VAT1L: variants seen among roughly 807,000 people sequenced by gnomAD.
The protein encoded by VAT1L is putative NADPH-dependent quinone oxidoreductase VAT1L.
A neutral mutation model predicts 44.1 loss-of-function variants in VAT1L; 34 were observed. The observed-to-expected ratio is 0.77, with a 90% confidence interval of 0.59 to 1.03. The LOEUF (loss-of-function observed/expected upper bound fraction) is 1.03, where lower values mean the gene tolerates loss of function less well. Among genes scored for constraint, VAT1L ranks in the 50% least tolerant of loss-of-function variants. The pLI, the probability that VAT1L is intolerant of heterozygous loss-of-function variation, is 0.00. For missense variants in VAT1L, 615 were observed against 538.8 expected, an observed-to-expected ratio of 1.14 and a Z score of -1.40; for synonymous variants, 253 against 202.2, an observed-to-expected ratio of 1.25 and a Z score of -2.13.
At chr16:77,951,468 C>T (rs938575435) in intron 7 of VAT1L, among the ~76,000 whole-genome samples, 2 of 152,188 alleles carry the variant, frequency 1.3e-5, no homozygotes, top group African/African-American at 2.4e-5. Context: ...ATCGCTTGAA[C>T]CCAAGAAGTG....
intron 4 of VAT1L, among the ~76,000 whole-genome samples, chr16:77,866,748 C>G (rs1364297092): frequency 1.3e-5 from 2 of 152,108 alleles, no homozygotes; most frequent in Admixed American, 6.5e-5. Flanking sequence ...ATTTATGACA[C>G]AGACCTAACC....
chr16:77,887,222 G>A (rs1413459976), intron 7 of VAT1L, among the ~76,000 whole-genome samples: 1 of 152,212 alleles, frequency 6.6e-6, no homozygotes, highest in African/African-American at 2.4e-5. Flanking sequence ...GAGCCAAGGA[G>A]GGAATGGTAC....
At chr16:77,928,826 G>C (rs2017697378) in intron 7 of VAT1L, among the ~76,000 whole-genome samples, 1 of 151,708 alleles carries the variant, frequency 6.6e-6, no homozygotes, top group African/African-American at 2.4e-5. Context: ...TCGTTTGTTT[G>C]TTTGTTTTTG....
At chr16:77,872,290 G>A (rs550709776) in intron 4 of VAT1L, among the ~76,000 whole-genome samples, 1 of 152,242 alleles carries the variant, frequency 6.6e-6, no homozygotes, top group Admixed American at 6.5e-5. Context: ...CATTCTTAGG[G>A]TCCTTCTACA....
In VAT1L at chr16:77,946,279, C is replaced by CTTTTTTTTTTTTTTT. The variant is rs66461822; in HGVS notation, c.1078-25563_1078-25549dup. On this transcript the variant is annotated intron_variant, in intron 7 of 8. Transcript: ENST00000302536. ...GTTCTGGACATCTAGGTTACTTGTT[C>CTTTTTTTTTTTTTTT]TTTTTTTTTTTTTTTTTTTTTTGAG... 4.1e-3 allele frequency among the ~76,000 whole-genome samples: 292 copies of CTTTTTTTTTTTTTTT among 70,408 alleles called. 82 individuals carry two copies. Among genetic ancestry groups the CTTTTTTTTTTTTTTT allele is most frequent in the East Asian group, 0.015 (24 of 1,630 alleles). The allele number at this position is 70,408 out of a possible 152,430, so 46.2% of individuals were successfully genotyped here. A position where few individuals can be genotyped will look rare whatever the true frequency, so the allele number is the denominator to read the frequency against.
At chr16:77,943,539 A>G (rs1247962154) in intron 7 of VAT1L, among the ~76,000 whole-genome samples, 2 of 151,410 alleles carry the variant, frequency 1.3e-5, no homozygotes, top group Non-Finnish European at 2.9e-5. Flanking sequence ...AGCTGGGACT[A>G]CAGGTGCCCG....
intron 7 of VAT1L, among the ~76,000 whole-genome samples, chr16:77,904,240 G>T (rs6564481): frequency 3.4e-5 from 5 of 147,948 alleles, no homozygotes; most frequent in African/African-American, 7.5e-5. Flanking sequence ...TGGTTTGTCT[G>T]TTCTGAGGTT....
chr16:77,946,941 G>A lies in VAT1L; in HGVS notation c.1078-24909G>A, dbSNP rs1198943085. 2.6e-5 allele frequency among the ~76,000 whole-genome samples: 4 copies of A among 152,192 alleles called. No individual in the cohort carries two copies. In the East Asian group the frequency reaches 5.8e-4, roughly 22 times the overall value. On this transcript the variant is annotated intron_variant, in intron 7 of 8. Transcript: ENST00000302536. ...GAGCAGGAATGGAAAGTTGCTGGAAGGCAACACCTCCCTCAACCCCTTACT... is the reference window on the plus strand; with the variant it reads ...GAGCAGGAATGGAAAGTTGCTGGAAAGCAACACCTCCCTCAACCCCTTACT...
rs1035728784 is a variant in VAT1L, at chr16:77,971,575, T to G, written c.1078-275T>G. ...ATAATTCTGAGAACTCCAGAGAACC[T>G]TCCCCCACCCTTTTAAGGAATGTTC... On this transcript the variant is annotated intron_variant, in intron 7 of 8. Transcript: ENST00000302536. Among the ~76,000 whole-genome samples, 6 of 152,176 alleles carry G rather than the reference T, an allele frequency of 3.9e-5. No homozygotes were observed. The East Asian group carries it at 1.2e-3, about 29-fold the overall frequency.
intron 4 of VAT1L, among the ~76,000 whole-genome samples, chr16:77,867,267 G>A (rs918628756): frequency 1.3e-5 from 2 of 152,142 alleles, no homozygotes; most frequent in Admixed American, 1.3e-4. Context: ...TACGTGGACG[G>A]TGATGAGGGT....
At chr16:77,798,572 T>A (rs911039492) in intron 1 of VAT1L, among the ~76,000 whole-genome samples, 1 of 152,152 alleles carries the variant, frequency 6.6e-6, no homozygotes, top group African/African-American at 2.4e-5. Flanking sequence ...GTTTGATAGA[T>A]ATTAATGGTG....
At chr16:77,913,331 T>C (rs1007057600) in intron 7 of VAT1L, among the ~76,000 whole-genome samples, 6 of 151,916 alleles carry the variant, frequency 3.9e-5, no homozygotes, top group Middle Eastern at 3.4e-3. Context: ...TCTATACCCA[T>C]TGGAGTTGTC....
rs750276167 is a variant in VAT1L, at chr16:77,884,573, G to A, written c.883-35G>A. ...CCAATGTAGGCTTAACCCCGGTATT[G>A]AGTTCCTATAACCCAATACCACCTC... On this transcript the variant is annotated intron_variant, in intron 6 of 8. Coordinates refer to ENST00000302536, the MANE Select transcript of VAT1L (RefSeq NM_020927.3). The surrounding 1 kb of genome is among the most constrained non-coding windows in gnomAD (Gnocchi z 4.5). 1 of 1,597,446 alleles carries A rather than the reference G, an allele frequency of 6.3e-7. No individual in the cohort carries two copies. Among genetic ancestry groups the A allele is most frequent in the Non-Finnish European group, 8.5e-7 (1 of 1,171,818 alleles).
At chr16:77,912,270 T>G (rs934448999) in intron 7 of VAT1L, among the ~76,000 whole-genome samples, 2 of 152,306 alleles carry the variant, frequency 1.3e-5, no homozygotes, top group East Asian at 1.9e-4. Context: ...CAAGATACCA[T>G]CAAGGTAGGG....
At chr16:77,946,471 A>G (rs1244850010) in intron 7 of VAT1L, among the ~76,000 whole-genome samples, 1 of 151,296 alleles carries the variant, frequency 6.6e-6, no homozygotes. Flanking sequence ...TTAAGTAGAG[A>G]CAAGGTTTCA....
In VAT1L at chr16:77,866,727, G is replaced by GA. The variant is rs200816442; in HGVS notation, c.722+3846dup. On this transcript the variant is annotated intron_variant, in intron 4 of 8. Coordinates refer to ENST00000302536, the MANE Select transcript of VAT1L (RefSeq NM_020927.3). ...TGAGGCAGGTGTTGTAAAGGGAATAGAAAAAAAAATATTTATGACACAGAC... is the reference window on the plus strand; with the variant it reads ...TGAGGCAGGTGTTGTAAAGGGAATAGAAAAAAAAAATATTTATGACACAGAC... Among the ~76,000 whole-genome samples, 470 of 151,328 alleles carry GA rather than the reference G, an allele frequency of 3.1e-3. 1 individual carries two copies. Among genetic ancestry groups the GA allele is most frequent in the African/African-American group, 0.011 (434 of 41,274 alleles).
chr16:77,861,311 A>T (rs2142441809), intron 3 of VAT1L, among the ~76,000 whole-genome samples: 1 of 152,354 alleles, frequency 6.6e-6, no homozygotes, highest in African/African-American at 2.4e-5. Flanking sequence ...CACCTTAGTT[A>T]CCAGAAAACT....
rs73564441 is a variant in VAT1L at position 77,919,582 on chromosome 16, T to C, written c.1077+34780T>C. Among the ~76,000 whole-genome samples, 930 of 152,228 alleles carry C rather than the reference T, an allele frequency of 6.1e-3. 6 individuals carry two copies. Among genetic ancestry groups the C allele is most frequent in the African/African-American group, 0.021 (881 of 41,532 alleles). ...GCCTTCTCAGATCCCATTTTTTCAA[T>C]TGGTGGCTCTCATGCAGATGAGTGA... On this transcript the variant is annotated intron_variant, in intron 7 of 8. Transcript: ENST00000302536.
chr16:77,832,926 C>T (rs1489371018), intron 3 of VAT1L, among the ~76,000 whole-genome samples: 1 of 152,176 alleles, frequency 6.6e-6, no homozygotes, highest in African/African-American at 2.4e-5. Flanking sequence ...TACACTCATA[C>T]AGTTTTAGCA....
Sources: gnomAD v4.1 joint callset for allele counts (sites outside exome capture counted in the v4.1 genomes callset) on GRCh38, gnomAD v4.1.1 for gene constraint, Gnocchi (gnomAD v3.1) non-coding constraint, MANE v1.5 for transcripts, NCBI Gene and HGNC (gene_info 2026-07-23, HGNC 2026-07-21) for gene names.